Variants in SGSM2 observed in about 807,000 individuals in gnomAD.
SGSM2 encodes the protein RUN and TBC1 domain containing 1.
In SGSM2, 89 loss-of-function variants were observed where a neutral mutation model predicts 126.6. The observed-to-expected ratio is 0.70, with a 90% CI of 0.59 to 0.84. The LOEUF (loss-of-function observed/expected upper bound fraction) is 0.84, where lower values mean the gene tolerates loss of function less well. Among genes scored for constraint, SGSM2 ranks in the 40% least tolerant of loss-of-function variants. SGSM2 has a pLI of 0.00. For synonymous variants in SGSM2, 614 were observed against 574.3 expected (o/e 1.07, Z -0.99); for missense variants, 1,404 against 1,416.6 (o/e 0.99, Z 0.14).
In SGSM2 at chr17:2,343,553, A is replaced by C. The variant is rs138672949; in HGVS notation, c.66A>C (p.Gln22His). The change falls in exon 2 of 24, where the codon CAA (glutamine) becomes CAC (histidine). Residue 22 changes from glutamine (Q) to histidine (H), a missense_variant. Coordinates refer to ENST00000268989, the MANE Select transcript of SGSM2 (RefSeq NM_014853.3). Reference sequence around the variant, plus strand: ...TGTCCATGTGTCCGCAGGTGAAGCAAATCATGGAGGAGGCTGTCACCAGGA... The same window carrying C: ...TGTCCATGTGTCCGCAGGTGAAGCACATCATGGAGGAGGCTGTCACCAGGA... ...LLWNVKKEVK[Q>H]IMEEAVTRKF... 1.2e-6 allele frequency: 2 copies of C among 1,614,196 alleles called. No individual in the cohort carries two copies. The highest frequency in any genetic ancestry group is 2.2e-5 in the South Asian group (2 of 91,082).
chr17:2,348,063 T>C (rs913809945), intron 2 of SGSM2, among the ~76,000 whole-genome samples: 14 of 152,294 alleles, frequency 9.2e-5, no homozygotes, highest in African/African-American at 2.9e-4. Context: ...GTGGAATCTG[T>C]GGAGCCGGGA....
intron 2 of SGSM2, among the ~76,000 whole-genome samples, chr17:2,345,941 A>C (rs939679207): frequency 6.6e-6 from 1 of 152,166 alleles, no homozygotes; most frequent in Non-Finnish European, 1.5e-5. Context: ...GCTTCCTTGC[A>C]TTGCATGGTG....
intron 2 of SGSM2, among the ~76,000 whole-genome samples, chr17:2,354,389 C>G (rs776472914): frequency 3.3e-5 from 5 of 152,194 alleles, no homozygotes; most frequent in Non-Finnish European, 7.3e-5. Context: ...TCTTTGTTCA[C>G]ACCTCCCTTT....
Position 2,379,477 on chromosome 17 carries a change from G to A in SGSM2, c.3113G>A (p.Arg1038Gln), listed in dbSNP as rs141272837. 32 of 1,613,468 alleles carry A rather than the reference G, an allele frequency of 2.0e-5. 1 individual carries two copies. The highest frequency in any genetic ancestry group is 1.1e-4 in the East Asian group (5 of 44,878). Reference sequence around the variant, plus strand: ...GCCCAGGAGATCCTGCGGATTGCCCGGGACCTCGTCCACAAGGTGCAGATG... The same window carrying A: ...GCCCAGGAGATCCTGCGGATTGCCCAGGACCTCGTCCACAAGGTGCAGATG... ...HDAQEILRIA[R>Q]DLVHKVQMLI... Residue 1038 changes from arginine to glutamine, a missense_variant, in exon 24 of 24, where the codon CGG becomes CAG. Arg to Gln is a conservative substitution (Grantham distance 43, BLOSUM62 1). Transcript: ENST00000268989.
intron 1 of SGSM2, among the ~76,000 whole-genome samples, chr17:2,339,707 C>CAAA (rs747440533): frequency 1.7e-5 from 1 of 60,560 alleles, no homozygotes; most frequent in Admixed American, 1.9e-4. Flanking sequence ...CACTCCATCT[C>CAAA]AAAAAAAAAA....
At chr17:2,345,989 G>C (rs6502180) in intron 2 of SGSM2, among the ~76,000 whole-genome samples, 2,905 of 152,228 alleles carry the variant, frequency 0.019, 70 homozygotes, top group African/African-American at 0.053. Flanking sequence ...GGGGAGGGAA[G>C]ACTAGCAAGG....
At chr17:2,346,970 T>A (rs939327248) in intron 2 of SGSM2, among the ~76,000 whole-genome samples, 1 of 152,032 alleles carries the variant, frequency 6.6e-6, no homozygotes, top group Non-Finnish European at 1.5e-5. Context: ...ACGCCTGTAG[T>A]CCCAGCTACT....
intron 12 of SGSM2, among the ~76,000 whole-genome samples, chr17:2,368,897 G>A (rs957663168): frequency 6.6e-6 from 1 of 152,166 alleles, no homozygotes; most frequent in Non-Finnish European, 1.5e-5. Flanking sequence ...GAGGCTGGAG[G>A]GTCCTAGCAG....
At chr17:2,338,786 T>TATATATATATATATATAA (rs1481763507) in intron 1 of SGSM2, among the ~76,000 whole-genome samples, 2 of 149,734 alleles carry the variant, frequency 1.3e-5, no homozygotes, top group African/African-American at 4.9e-5. Context: ...TATATATATA[T>TATATATATATATATATAA]ATAACCTCAC....
rs1227221837 is a variant in SGSM2 at position 2,375,798 on chromosome 17, C to T, written c.2407C>T (p.Pro803Ser). 2 of 1,570,590 alleles carry T rather than the reference C, an allele frequency of 1.3e-6. No homozygotes were observed. Among genetic ancestry groups the T allele is most frequent in the East Asian group, 2.2e-5 (1 of 44,488 alleles). ...AAHTLREPQD[P>S]SQEKPQAGEL... ...TCACACTTTGAGGGAGCCCCAGGAT[C>T]CCAGCCAGGAGAAGCCTCAGGCCGG... Residue 803 changes from proline (P) to serine (S), a missense_variant, in exon 18 of 24, where the codon CCC becomes TCC. Transcript: ENST00000268989.
intron 2 of SGSM2, among the ~76,000 whole-genome samples, chr17:2,350,464 G>A (rs985972423): frequency 6.6e-6 from 1 of 151,598 alleles, no homozygotes; most frequent in African/African-American, 2.4e-5. Context: ...ACAAAAATGT[G>A]CCGGGTGTGG....
In SGSM2 at chr17:2,363,475, G is replaced by A. The variant is rs764961094; in HGVS notation, c.683G>A (p.Arg228Gln). The change falls in exon 7 of 24, where the codon CGG (arginine) becomes CAG (glutamine). Residue 228 changes from arginine (R) to glutamine (Q), a missense_variant. Transcript: ENST00000268989. This position sits in a 1 kb window ranked among gnomAD's most constrained non-coding sequence, Gnocchi z 4.2. The stretch of plus-strand genomic sequence containing the variant: ...CGGCCTTCCACACAGATCCGGAAAC[G>A]GCACTCAAGCGGCAGCGCGTCGGAG... ...AKRPALGIRK[R>Q]HSSGSASEDR... The A allele has an allele frequency of 3.7e-6, 6 of 1,613,354 alleles. No homozygotes were observed. Among genetic ancestry groups the A allele is most frequent in the Non-Finnish European group, 5.1e-6 (6 of 1,180,002 alleles).
At chr17:2,353,955 C>T (rs1225779480) in intron 2 of SGSM2, among the ~76,000 whole-genome samples, 1 of 151,484 alleles carries the variant, frequency 6.6e-6, no homozygotes, top group Non-Finnish European at 1.5e-5. Context: ...GTCACCCAGG[C>T]TGGAGTGCAA....
Position 2,341,266 on chromosome 17 carries a change from C to T in SGSM2, c.58-2279C>T, listed in dbSNP as rs139436260. On this transcript the variant is annotated intron_variant, in intron 1 of 23. Transcript: ENST00000268989. ...TTGAGTAGCTGGGATTACTGGCACC[C>T]ACCACCATGCTTGGCTAATTTTTGT... is the stretch of plus-strand genomic sequence containing the variant. 5.7e-3 allele frequency among the ~76,000 whole-genome samples: 867 copies of T among 152,260 alleles called. 5 individuals are homozygous for T. Among genetic ancestry groups the T allele is most frequent in the Non-Finnish European group, 6.2e-3 (423 of 68,026 alleles).
intron 16 of SGSM2, 125 bp downstream of exon 16, chr17:2,373,206 C>T (rs538620161): frequency 5.3e-5 from 81 of 1,534,024 alleles, no homozygotes; most frequent in African/African-American, 3.3e-4. Flanking sequence ...GCAGCTCCAC[C>T]GTCCTTACCC....
rs987026465 is a variant in SGSM2 at position 2,379,808 on chromosome 17, C to T, written c.*288C>T. 8.2e-6 allele frequency: 11 copies of T among 1,333,356 alleles called. No individual in the cohort carries two copies. The highest frequency in any genetic ancestry group is 1.1e-5 in the Non-Finnish European group (11 of 1,037,958). The allele number at this position is 1,333,356 out of a possible 1,614,324, so 82.6% of individuals were successfully genotyped here. A position where few individuals can be genotyped will look rare whatever the true frequency, so the allele number is the denominator to read the frequency against. On this transcript the variant is annotated 3_prime_UTR_variant, in exon 24 of 24. Transcript: ENST00000268989. ...TCTCACACATCTGGGAGTAGCCCCA[C>T]TGCCACCTGCAGCCGCAGCCTGGAC... is the stretch of plus-strand genomic sequence containing the variant.
chr17:2,340,830 C>G (rs1032554134), intron 1 of SGSM2, among the ~76,000 whole-genome samples: 1 of 152,032 alleles, frequency 6.6e-6, no homozygotes, highest in Non-Finnish European at 1.5e-5. Context: ...GTGATCCGCC[C>G]ACCTTGGCCT....
intron 2 of SGSM2, among the ~76,000 whole-genome samples, chr17:2,359,865 G>A (rs1027523273): frequency 6.6e-6 from 1 of 152,124 alleles, no homozygotes; most frequent in Non-Finnish European, 1.5e-5. Flanking sequence ...ACTCTGAATG[G>A]GAAGTGCAAC....
Position 2,362,539 on chromosome 17 carries a change from G to A in SGSM2, c.458+269G>A, listed in dbSNP as rs949413811. 3.3e-5 allele frequency among the ~76,000 whole-genome samples: 5 copies of A among 150,920 alleles called. No individual in the cohort carries two copies. The highest frequency in any genetic ancestry group is 2.0e-4 in the East Asian group (1 of 5,068). ...CGTTCCCCAAAAACTGCAGGTGACC[G>A]CCTCGTTCCCCAAGCAGCCCCTCCC... On this transcript the variant is annotated intron_variant, in intron 4 of 23. Coordinates refer to ENST00000268989, the MANE Select transcript of SGSM2 (RefSeq NM_014853.3). The surrounding 1 kb of genome is among the most constrained non-coding windows in gnomAD (Gnocchi z 4.9).
Sources: gnomAD v4.1 joint callset for allele counts (sites outside exome capture counted in the v4.1 genomes callset) on GRCh38, gnomAD v4.1.1 for gene constraint, Gnocchi (gnomAD v3.1) non-coding constraint, MANE v1.5 for transcripts, NCBI Gene and HGNC (gene_info 2026-07-23, HGNC 2026-07-21) for gene names.